Variants in DENND1A observed in about 807,000 individuals in gnomAD.
DENND1A encodes the protein DENN domain containing 1A.
DENND1A carries 51 observed loss-of-function variants against 113.7 expected under a neutral mutation model. That is an observed-to-expected ratio of 0.45 (90% CI 0.36 to 0.57). The LOEUF is 0.57. Among genes scored for constraint, DENND1A ranks in the 20% least tolerant of loss-of-function variants. The probability of loss-of-function intolerance (pLI) is 0.00; values close to 1 mark genes in which losing one functional copy is unlikely to be tolerated. For synonymous variants in DENND1A, 565 were observed against 570.8 expected (o/e 0.99, Z 0.14); for missense variants, 1,258 against 1,395.9 (o/e 0.90, Z 1.57).
chr9:123,438,524 G>A (rs1390068997), intron 19 of DENND1A, among the ~76,000 whole-genome samples: 1 of 152,160 alleles, frequency 6.6e-6, no homozygotes, highest in African/African-American at 2.4e-5. Flanking sequence ...CTCTGCGGCT[G>A]CAGCTGGAAG....
At chr9:123,671,185 T>G (rs955397511) in intron 7 of DENND1A, 106 bp downstream of exon 7, 24 of 1,307,740 alleles carry the variant, frequency 1.8e-5, no homozygotes, top group Non-Finnish European at 2.5e-5. Flanking sequence ...GGGGGTAGGG[T>G]TAGGGGAGGT....
chr9:123,607,520 C>CACACACAG (rs1258725435), intron 11 of DENND1A, among the ~76,000 whole-genome samples: 9 of 73,876 alleles, frequency 1.2e-4, no homozygotes, highest in African/African-American at 6.1e-4. Flanking sequence ...CACACACACA[C>CACACACAG]AGAGAGAGAG....
At chr9:123,512,671 C>G (rs938241663) in intron 13 of DENND1A, among the ~76,000 whole-genome samples, 1 of 152,200 alleles carries the variant, frequency 6.6e-6, no homozygotes, top group African/African-American at 2.4e-5. Flanking sequence ...GGAAGCTTCT[C>G]GAATATGTGG....
At chr9:123,574,949 G>A (rs1377027673) in intron 12 of DENND1A, among the ~76,000 whole-genome samples, 1 of 152,200 alleles carries the variant, frequency 6.6e-6, no homozygotes, top group South Asian at 2.1e-4. Context: ...TCTATCCCAA[G>A]ATCCAATCCA....
chr9:123,494,964 G>A (rs939135265), intron 13 of DENND1A, among the ~76,000 whole-genome samples: 3 of 152,068 alleles, frequency 2.0e-5, no homozygotes, highest in African/African-American at 7.2e-5. Context: ...GATAATTTTT[G>A]TATTTTTAGT....
chr9:123,870,260 T>C (rs1846356972), intron 2 of DENND1A, among the ~76,000 whole-genome samples: 1 of 147,408 alleles, frequency 6.8e-6, no homozygotes, highest in African/African-American at 2.6e-5. Context: ...ATACAGGTAA[T>C]ATTAATCAGC....
Position 123,907,118 on chromosome 9 carries a change from T to C in DENND1A, c.17+22771A>G, listed in dbSNP as rs1852987898. On this transcript the variant is annotated intron_variant, in intron 1 of 23. Transcript: ENST00000394215. ...GCCAAAGACAAAAACCACATGATTATCTCAATAGATGCAGAAAAAGCCTTT... is the reference window on the plus strand; with the variant it reads ...GCCAAAGACAAAAACCACATGATTACCTCAATAGATGCAGAAAAAGCCTTT... 2.0e-5 allele frequency among the ~76,000 whole-genome samples: 3 copies of C among 149,636 alleles called. No homozygotes were observed. In the South Asian group the frequency reaches 6.5e-4, roughly 32 times the overall value.
intron 5 of DENND1A, among the ~76,000 whole-genome samples, chr9:123,681,985 T>C (rs970276824): frequency 2.0e-5 from 3 of 150,904 alleles, no homozygotes; most frequent in African/African-American, 2.4e-5. Flanking sequence ...CGAAAGCCAG[T>C]GAGGAGGGGC....
intron 5 of DENND1A, among the ~76,000 whole-genome samples, chr9:123,747,823 C>T (rs570555435): frequency 8.5e-5 from 13 of 152,190 alleles, no homozygotes; most frequent in South Asian, 2.1e-4. Context: ...AAATAAAATA[C>T]GGAAACGTAA....
intron 13 of DENND1A, among the ~76,000 whole-genome samples, chr9:123,483,015 T>C (rs960209165): frequency 2.6e-5 from 4 of 151,776 alleles, no homozygotes; most frequent in African/African-American, 7.3e-5. Context: ...AAGAGGATCA[T>C]TCTGATCTCA....
intron 13 of DENND1A, among the ~76,000 whole-genome samples, chr9:123,515,137 T>C (rs1192466559): frequency 1.3e-5 from 2 of 152,178 alleles, no homozygotes; most frequent in East Asian, 1.9e-4. Flanking sequence ...ATAACAACCA[T>C]AGGCAATGTG....
chr9:123,406,083 C>CA (rs2043827037), intron 20 of DENND1A, among the ~76,000 whole-genome samples: 1 of 152,224 alleles, frequency 6.6e-6, no homozygotes, highest in African/African-American at 2.4e-5. Context: ...CCCCACCCCC[C>CA]AGAAGCTTGT....
At chr9:123,581,929 G>A (rs1238080614) in intron 12 of DENND1A, among the ~76,000 whole-genome samples, 1 of 152,202 alleles carries the variant, frequency 6.6e-6, no homozygotes, top group Non-Finnish European at 1.5e-5. Flanking sequence ...GCATGGACAA[G>A]GGGAGAATGG....
chr9:123,700,434 G>A (rs1358039303), intron 5 of DENND1A, among the ~76,000 whole-genome samples: 1 of 152,316 alleles, frequency 6.6e-6, no homozygotes, highest in African/African-American at 2.4e-5. Context: ...TAAGTAACTG[G>A]TTGAGGCAAG....
intron 13 of DENND1A, among the ~76,000 whole-genome samples, chr9:123,512,537 C>T (rs761544044): frequency 3.9e-5 from 6 of 152,194 alleles, no homozygotes; most frequent in South Asian, 4.1e-4. Context: ...AGAGTTCCTT[C>T]GCGGCACTTT....
chr9:123,396,129 CTGAGA>C (rs1249221255), intron 21 of DENND1A, among the ~76,000 whole-genome samples: 2 of 152,124 alleles, frequency 1.3e-5, no homozygotes, highest in African/African-American at 4.8e-5. Flanking sequence ...TGTCGGAGTG[CTGAGA>C]TAAGGCCAGG....
intron 13 of DENND1A, among the ~76,000 whole-genome samples, chr9:123,557,172 T>A (rs2136031293): frequency 6.6e-6 from 1 of 152,352 alleles, no homozygotes; most frequent in South Asian, 2.1e-4. Context: ...ATCTGGCTTT[T>A]CCGGGCTAAG....
At chr9:123,416,254 A>G (rs1236983154) in intron 19 of DENND1A, among the ~76,000 whole-genome samples, 1 of 151,998 alleles carries the variant, frequency 6.6e-6, no homozygotes, top group African/African-American at 2.4e-5. Flanking sequence ...CTCCTCTTTC[A>G]CGCTGGTGCT....
intron 1 of DENND1A, among the ~76,000 whole-genome samples, chr9:123,913,447 T>C (rs1854440816): frequency 6.6e-6 from 1 of 151,958 alleles, no homozygotes; most frequent in Non-Finnish European, 1.5e-5. Flanking sequence ...AACAGGAAGG[T>C]GGGAGGGAAC....
Sources: allele counts gnomAD v4.1 joint callset (sites outside exome capture counted in the v4.1 genomes callset), GRCh38; gene constraint gnomAD v4.1.1; transcripts MANE v1.5; gene names NCBI Gene and HGNC (gene_info 2026-07-23, HGNC 2026-07-21).